Variants in RALGDS observed in about 807,000 individuals in gnomAD.
RALGDS encodes ral guanine nucleotide dissociation stimulator.
A neutral mutation model predicts 99.8 loss-of-function variants in RALGDS; 44 were observed. The observed-to-expected ratio is 0.44, with a 90% CI of 0.35 to 0.57. The LOEUF (loss-of-function observed/expected upper bound fraction) is 0.57, where lower values mean the gene tolerates loss of function less well. Among genes scored for constraint, RALGDS ranks in the 20% least tolerant of loss-of-function variants. The probability of loss-of-function intolerance (pLI) is 0.01; values close to 1 mark genes in which losing one functional copy is unlikely to be tolerated. For synonymous variants in RALGDS, 529 were observed against 505.0 expected, an observed-to-expected ratio of 1.05 and a Z score of -0.64; for missense variants, 1,022 against 1,203.1, an observed-to-expected ratio of 0.85 and a Z score of 2.23.
In RALGDS at chr9:133,102,462, G is replaced by A; in HGVS notation, c.2009+14C>T. 1 of 1,612,300 alleles carries A rather than the reference G, an allele frequency of 6.2e-7. No individual in the cohort carries two copies. Among genetic ancestry groups the A allele is most frequent in the Non-Finnish European group, 8.5e-7 (1 of 1,178,522 alleles). On this transcript the variant is annotated intron_variant, in intron 14 of 17. Transcript: ENST00000372050. ...CAAGGCAGCTGCCCCTACCACCCTT[G>A]GCCAGGCCCTTACTCGCTCCAGCGC...
At chr9:133,110,204 A>G (rs1301044884) in intron 3 of RALGDS, 92 bp downstream of exon 3, 6 of 1,299,106 alleles carry the variant, frequency 4.6e-6, no homozygotes, top group Non-Finnish European at 6.6e-6. Flanking sequence ...CGAGGCTCAG[A>G]GAGGTGAATC....
rs1175148502 is a variant in RALGDS, at chr9:133,103,228, A to C, written c.1791+2T>G. 1 of 1,613,788 alleles carries C rather than the reference A, an allele frequency of 6.2e-7. No homozygotes were observed. The highest frequency in any genetic ancestry group is 8.5e-7 in the Non-Finnish European group (1 of 1,179,976). On this transcript the variant is annotated splice_donor_variant, in intron 12 of 17. Coordinates refer to ENST00000372050, the MANE Select transcript of RALGDS (RefSeq NM_006266.4). LOFTEE classifies it high-confidence loss of function. ...AAGTCAGGGCTGCCTGCAGCTGCTT[A>C]CCTTCCTCCTCTTCTCAAAGTTGAT...
At position 133,119,691 on chromosome 9, in the gene RALGDS, G is replaced by A. The variant is rs1346103073; in HGVS notation, c.183+1281C>T. ...CAGCCTCCCACCCCCACCCTCCCAG[G>A]GGTCCCTCTCCAGCCGCCAATGAGG... On this transcript the variant is annotated intron_variant, in intron 1 of 17. Transcript: ENST00000372050. Among the ~76,000 whole-genome samples, 7 of 151,894 alleles carry A rather than the reference G, an allele frequency of 4.6e-5. No homozygotes were observed. In the East Asian group the frequency reaches 1.2e-3, roughly 25 times the overall value.
chr9:133,110,608 C>G lies in RALGDS; in HGVS notation c.295-119G>C. 20 of 859,144 alleles carry G rather than the reference C, an allele frequency of 2.3e-5. No homozygotes were observed. The South Asian group carries it at 2.8e-4, about 12-fold the overall frequency. The allele number at this position is 859,144 out of a possible 1,614,324, so 53.2% of individuals were successfully genotyped here. A position where few individuals can be genotyped will look rare whatever the true frequency, so the allele number is the denominator to read the frequency against. On this transcript the variant is annotated intron_variant, in intron 2 of 17. Transcript: ENST00000372050. ...AAGAGGCAGGACTGAGTATCTCTAG[C>G]AGAAAAAGGTTATCAGCTTTAAAAG... is the stretch of plus-strand genomic sequence containing the variant.
upstream of RALGDS, among the ~76,000 whole-genome samples, chr9:133,121,415 C>T (rs1831942284): frequency 6.7e-6 from 1 of 149,324 alleles, no homozygotes; most frequent in South Asian, 2.1e-4. Context: ...CCTGGAGGGG[C>T]GGGGTCTGAA....
chr9:133,129,508 G>A lies in RALGDS; in HGVS notation c.132+1444C>T, dbSNP rs779082254. On this transcript the variant is annotated intron_variant, in intron 1 of 17. Coordinates refer to the RALGDS transcript ENST00000372062. Reference sequence around the variant, plus strand: ...GCTTGTACCAGGCCATGGGCCAGCCGAGGACGAGTGGAGAGGCTGCCCCAA... The same window carrying A: ...GCTTGTACCAGGCCATGGGCCAGCCAAGGACGAGTGGAGAGGCTGCCCCAA... 4.3e-5 allele frequency: 55 copies of A among 1,285,920 alleles called. 1 individual carries two copies. Among genetic ancestry groups the A allele is most frequent in the Middle Eastern group, 5.7e-4 (2 of 3,522 alleles). 79.7% of individuals were successfully genotyped at this position (1,285,920 alleles called of 1,614,324 possible). A position where few individuals can be genotyped will look rare whatever the true frequency, so the allele number is the denominator to read the frequency against.
intron 1 of RALGDS, among the ~76,000 whole-genome samples, chr9:133,115,797 G>A (rs980722399): frequency 6.6e-6 from 1 of 152,238 alleles, no homozygotes; most frequent in Non-Finnish European, 1.5e-5. Flanking sequence ...CTAAGGCTCA[G>A]GGACCTAGCC....
chr9:133,114,915 G>T, intron 1 of RALGDS, among the ~76,000 whole-genome samples: 1 of 152,196 alleles, frequency 6.6e-6, no homozygotes. Flanking sequence ...GTGAGCAGGG[G>T]CCCCCACACC....
At position 133,113,047 on chromosome 9, in the gene RALGDS, T is replaced by G. The variant is rs559598636; in HGVS notation, c.184-895A>C. 6.2e-4 allele frequency among the ~76,000 whole-genome samples: 94 copies of G among 152,308 alleles called. 1 individual carries two copies. In the South Asian group the frequency reaches 0.019, roughly 30 times the overall value. On this transcript the variant is annotated intron_variant, in intron 1 of 17. Coordinates refer to ENST00000372050, the MANE Select transcript of RALGDS (RefSeq NM_006266.4). ...ACTTCCCCCACCTGGCAGGCTGGCC[T>G]AGGTCACTTAGCCACAATTACCCCC...
intron 16 of RALGDS, chr9:133,100,813 T>A: frequency 9.2e-7 from 1 of 1,081,736 alleles, no homozygotes. Context: ...CCCTGCTACC[T>A]TGACCCTGAG....
intron 1 of RALGDS, among the ~76,000 whole-genome samples, chr9:133,120,428 A>ACCCCCCGCCC (rs1831863551): frequency 1.7e-5 from 1 of 59,990 alleles, no homozygotes; most frequent in South Asian, 8.1e-4. Flanking sequence ...CCATCCCCCG[A>ACCCCCCGCCC]CCCCCCCCCC....
rs561762848 is a variant in RALGDS at position 133,106,164 on chromosome 9, T to G, written c.1518-148A>C. ...CCAGAGCACTAACGCTCTGCAGGTC[T>G]GGGGAGGGGGCCTTCATGTTGGTGC... On this transcript the variant is annotated intron_variant, in intron 8 of 17. Transcript: ENST00000372050. 348 of 677,324 alleles carry G rather than the reference T, an allele frequency of 5.1e-4. 1 individual carries two copies. Among genetic ancestry groups the G allele is most frequent in the Middle Eastern group, 2.1e-3 (6 of 2,870 alleles). 42.0% of individuals were successfully genotyped at this position (677,324 alleles called of 1,614,324 possible).
Position 133,101,665 on chromosome 9 carries a change from G to A in RALGDS, c.2309C>T (p.Ala770Val). The A allele has an allele frequency of 6.2e-6, 10 of 1,613,886 alleles. No individual in the cohort carries two copies. Among genetic ancestry groups the A allele is most frequent in the Non-Finnish European group, 8.5e-6 (10 of 1,180,004 alleles). Residue 770 changes from alanine (A) to valine (V), a missense_variant, in exon 16 of 18, where the codon GCT becomes GTT. Ala to Val is a moderately conservative substitution (Grantham distance 64). Transcript: ENST00000372050. ...AGAGCGCTTGTGGGTGCGTGTGGCA[G>A]CCACGGGCGTGGTGGAGGCTGAGGA... ...SSSSASTTPV[A>V]ATRTHKRSVS...
chr9:133,113,260 G>A (rs553634439), intron 1 of RALGDS, among the ~76,000 whole-genome samples: 1 of 152,310 alleles, frequency 6.6e-6, no homozygotes, highest in South Asian at 2.1e-4. Context: ...GCTCAGAGAA[G>A]GCCTGGCAGA....
chr9:133,137,098 G>C (rs1832439962), intron 1 of RALGDS, among the ~76,000 whole-genome samples: 1 of 152,010 alleles, frequency 6.6e-6, no homozygotes, highest in Admixed American at 6.6e-5. Flanking sequence ...AGACGGGTGT[G>C]GTGGTGCACC....
intron 1 of RALGDS, among the ~76,000 whole-genome samples, chr9:133,120,434 CCCCCA>C (rs1564244990): frequency 3.0e-4 from 41 of 137,884 alleles, no homozygotes; most frequent in Non-Finnish European, 9.6e-5. Context: ...CCCGACCCCC[CCCCCA>C]CCCCGCTCTG....
intron 2 of RALGDS, 122 bp downstream of exon 2, chr9:133,111,920 T>C (rs1831361865): frequency 1.3e-6 from 1 of 757,416 alleles, no homozygotes; most frequent in Non-Finnish European, 2.3e-6. Context: ...GGCTGGACAG[T>C]GGGGGTCGGG....
chr9:133,106,070 T>C, intron 8 of RALGDS, 54 bp from the exon 9 acceptor site: 3 of 1,395,092 alleles, frequency 2.2e-6, no homozygotes. Flanking sequence ...GGGAGGGGTG[T>C]GAGTGCAAAT....
intron 12 of RALGDS, 44 bp from the exon 13 acceptor site, chr9:133,102,944 G>C: frequency 6.2e-7 from 1 of 1,609,064 alleles, no homozygotes; most frequent in Non-Finnish European, 8.5e-7. Flanking sequence ...GGCCCCCCGG[G>C]CAGCACAGGG....
Sources: allele counts gnomAD v4.1 joint callset (sites outside exome capture counted in the v4.1 genomes callset), GRCh38; gene constraint gnomAD v4.1.1; transcripts MANE v1.5; gene names NCBI Gene and HGNC (gene_info 2026-07-23, HGNC 2026-07-21).